The following ADAMTS3 variants were observed in gnomAD, a reference collection of about 807,000 sequenced individuals.
The protein encoded by ADAMTS3 is ADAM metallopeptidase with thrombospondin type 1 motif 3.
A neutral mutation model predicts 129.0 loss-of-function variants in ADAMTS3; 73 were observed. The ratio of observed to expected loss-of-function variants is 0.57; its 90% CI spans 0.47 to 0.69. The LOEUF (loss-of-function observed/expected upper bound fraction) is 0.69, where lower values mean the gene tolerates loss of function less well. ADAMTS3 is among the 30% of genes least tolerant of loss of function. The probability of loss-of-function intolerance (pLI) is 0.00; values close to 1 mark genes in which losing one functional copy is unlikely to be tolerated. For missense variants in ADAMTS3, 1,457 were observed against 1,514.5 expected, an observed-to-expected ratio of 0.96 and a Z score of 0.63; for synonymous variants, 477 against 510.8, an observed-to-expected ratio of 0.93 and a Z score of 0.89.
intron 3 of ADAMTS3, among the ~76,000 whole-genome samples, chr4:72,468,402 T>C (rs554828863): frequency 6.6e-6 from 1 of 152,180 alleles, no homozygotes; most frequent in South Asian, 2.1e-4. Flanking sequence ...TAATGGCAAA[T>C]ATCATGCAAA....
intron 19 of ADAMTS3, 68 bp downstream of exon 19, chr4:72,295,585 TA>T: frequency 3.3e-6 from 5 of 1,500,166 alleles, no homozygotes; most frequent in Non-Finnish European, 4.5e-6. Context: ...AAATCAAAAC[TA>T]AAAAGAGCTA....
intron 3 of ADAMTS3, among the ~76,000 whole-genome samples, chr4:72,478,458 T>C (rs1248460070): frequency 4.2e-4 from 62 of 149,002 alleles, no homozygotes; most frequent in East Asian, 3.3e-3. Flanking sequence ...ATTATCTCAA[T>C]AGATGCAGAA....
intron 4 of ADAMTS3, among the ~76,000 whole-genome samples, chr4:72,398,011 A>G (rs1168152194): frequency 6.6e-6 from 1 of 152,190 alleles, no homozygotes; most frequent in Admixed American, 6.5e-5. Context: ...GTAAGGGATA[A>G]GGAGCCTACA....
chr4:72,366,519 A>G (rs1417848883), intron 4 of ADAMTS3, among the ~76,000 whole-genome samples: 2 of 152,194 alleles, frequency 1.3e-5, no homozygotes, highest in African/African-American at 2.4e-5. Context: ...TTCCCAAGCT[A>G]TGCTTTTTAG....
intron 17 of ADAMTS3, among the ~76,000 whole-genome samples, chr4:72,302,873 G>A (rs1411289869): frequency 2.6e-5 from 4 of 152,132 alleles, no homozygotes; most frequent in African/African-American, 7.2e-5. Context: ...ATGAGTAAAA[G>A]AGGGCTCCTG....
chr4:72,322,033 A>G (rs571281278), intron 6 of ADAMTS3, among the ~76,000 whole-genome samples: 62 of 152,326 alleles, frequency 4.1e-4, no homozygotes, highest in African/African-American at 1.4e-3. Context: ...ATTTTGTTAT[A>G]GTTCAGCAAA....
chr4:72,346,074 TG>T (rs1245669639), intron 4 of ADAMTS3, among the ~76,000 whole-genome samples: 2 of 152,170 alleles, frequency 1.3e-5, no homozygotes, highest in Non-Finnish European at 2.9e-5. Flanking sequence ...CCATTCTTGG[TG>T]TACAAACTTT....
At chr4:72,344,838 T>C (rs1226961289) in intron 4 of ADAMTS3, among the ~76,000 whole-genome samples, 1 of 152,134 alleles carries the variant, frequency 6.6e-6, no homozygotes, top group African/African-American at 2.4e-5. Context: ...CCCCAGTGAC[T>C]GTAGACTCAC....
chr4:72,529,568 G>A (rs1033576217), intron 3 of ADAMTS3, among the ~76,000 whole-genome samples: 3 of 145,592 alleles, frequency 2.1e-5, no homozygotes, highest in African/African-American at 7.6e-5. Flanking sequence ...ATGGGATCTC[G>A]ATATATACAC....
chr4:72,294,555 C>A (rs529424474), intron 19 of ADAMTS3, among the ~76,000 whole-genome samples: 3 of 151,966 alleles, frequency 2.0e-5, no homozygotes, highest in East Asian at 1.9e-4. Context: ...TTACATCGTA[C>A]CCCATAAAAA....
chr4:72,465,435 T>C (rs1167279447), intron 3 of ADAMTS3, among the ~76,000 whole-genome samples: 1 of 151,944 alleles, frequency 6.6e-6, no homozygotes, highest in Admixed American at 6.6e-5. Context: ...GGTACAAAGT[T>C]TGGCTTTTAT....
chr4:72,410,801 AG>A (rs1454119023), intron 4 of ADAMTS3, among the ~76,000 whole-genome samples: 9 of 81,160 alleles, frequency 1.1e-4, no homozygotes, highest in African/African-American at 3.2e-4. Flanking sequence ...CAAATTAAAG[AG>A]TTTCAAAATG....
chr4:72,455,851 T>A lies in ADAMTS3; in HGVS notation c.505-40880A>T, dbSNP rs1347025889. 4.2e-5 allele frequency among the ~76,000 whole-genome samples: 5 copies of A among 118,172 alleles called. No individual in the cohort carries two copies. The East Asian group carries it at 7.3e-4, about 17-fold the overall frequency. 77.5% of individuals were successfully genotyped at this position (118,172 alleles called of 152,430 possible). On this transcript the variant is annotated intron_variant, in intron 3 of 21. Coordinates refer to ENST00000286657, the MANE Select transcript of ADAMTS3 (RefSeq NM_014243.3). ...TATATACAGTGTATATACTATATAT[T>A]TTATATATAGTATATACACTGTATA... is the stretch of plus-strand genomic sequence containing the variant.
rs779939893 is a variant in ADAMTS3 at position 72,318,588 on chromosome 4, T to C, written c.1469A>G (p.Tyr490Cys). The C allele has an allele frequency of 3.1e-6, 5 of 1,613,722 alleles. No homozygotes were observed. In the South Asian group the frequency reaches 4.4e-5, roughly 14 times the overall value. ...EQCRFDFGVG[Y>C]KMCTAFRTFD... ...GCAACATACCGCGGTGCACATTTTA[T>C]AGCCAACACCAAAATCAAAACGACA... The change falls in exon 10 of 22, where the codon TAT (tyrosine) becomes TGT (cysteine). Residue 490 changes from tyrosine to cysteine, a missense_variant. Transcript: ENST00000286657.
intron 3 of ADAMTS3, among the ~76,000 whole-genome samples, chr4:72,523,144 AAAAAAG>A (rs1720717129): frequency 6.6e-6 from 1 of 152,130 alleles, no homozygotes; most frequent in Non-Finnish European, 1.5e-5. Flanking sequence ...GTAAATATAA[AAAAAAG>A]AAAAAGTAAG....
At chr4:72,300,049 G>A (rs1306056046) in intron 17 of ADAMTS3, among the ~76,000 whole-genome samples, 5 of 152,084 alleles carry the variant, frequency 3.3e-5, no homozygotes, top group African/African-American at 1.2e-4. Flanking sequence ...TGAGAAATGA[G>A]GTGATACTAA....
chr4:72,378,995 C>T (rs1721208072), intron 4 of ADAMTS3, among the ~76,000 whole-genome samples: 1 of 152,140 alleles, frequency 6.6e-6, no homozygotes, highest in African/African-American at 2.4e-5. Context: ...AGAGACTTTC[C>T]TCAGTTCCTT....
intron 3 of ADAMTS3, among the ~76,000 whole-genome samples, chr4:72,468,926 A>G (rs1718991498): frequency 6.6e-6 from 1 of 152,108 alleles, no homozygotes; most frequent in Non-Finnish European, 1.5e-5. Flanking sequence ...TCTGGTTTCC[A>G]ATAAAAAGAT....
chr4:72,373,303 C>T (rs1008069732), intron 4 of ADAMTS3, among the ~76,000 whole-genome samples: 13 of 152,018 alleles, frequency 8.6e-5, no homozygotes, highest in Non-Finnish European at 1.6e-4. Context: ...CACATATGGT[C>T]GCCTCAAATA....
Sources: allele counts gnomAD v4.1 joint callset (sites outside exome capture counted in the v4.1 genomes callset), GRCh38; gene constraint gnomAD v4.1.1; transcripts MANE v1.5; gene names NCBI Gene and HGNC (gene_info 2026-07-23, HGNC 2026-07-21).